The following RBFOX1 variants were observed in gnomAD, a reference collection of about 807,000 sequenced individuals.
The protein encoded by RBFOX1 is RNA binding fox-1 homolog 1.
Under a neutral mutation model 57.7 loss-of-function variants are expected in RBFOX1, and 8 were observed. The observed-to-expected ratio is 0.14, with a 90% CI of 0.08 to 0.25. The LOEUF (loss-of-function observed/expected upper bound fraction) is 0.25. Ranked by LOEUF, RBFOX1 falls within the 10% of genes least tolerant of loss-of-function variation. The pLI is 1.00. For missense variants in RBFOX1, 611 were observed against 548.5 expected (o/e 1.11, Z -1.14); for synonymous variants, 326 against 222.4 (o/e 1.47, Z -4.15).
chr16:6,192,930 T>C (rs937758315), intron 1 of RBFOX1, among the ~76,000 whole-genome samples: 2 of 152,210 alleles, frequency 1.3e-5, no homozygotes, highest in African/African-American at 2.4e-5. Context: ...TGATATATTA[T>C]GTCGAAATTC....
intron 1 of RBFOX1, among the ~76,000 whole-genome samples, chr16:6,124,930 C>A (rs1017919575): frequency 6.6e-6 from 1 of 152,148 alleles, no homozygotes; most frequent in African/African-American, 2.4e-5. Flanking sequence ...TTCACAGTGC[C>A]TCACCAGCCT....
At chr16:6,674,683 A>G (rs548901551) in intron 3 of RBFOX1, among the ~76,000 whole-genome samples, 3 of 152,182 alleles carry the variant, frequency 2.0e-5, no homozygotes, top group African/African-American at 7.2e-5. Context: ...CGGGGAAGAA[A>G]CCATGTGTTG....
intron 1 of RBFOX1, among the ~76,000 whole-genome samples, chr16:5,255,083 G>T (rs1210645908): frequency 6.6e-6 from 1 of 152,124 alleles, no homozygotes; most frequent in African/African-American, 2.4e-5. Flanking sequence ...GTTAGTTATA[G>T]CTGTAATTTG....
intron 1 of RBFOX1, among the ~76,000 whole-genome samples, chr16:6,222,721 T>TATTATTA (rs1458344612): frequency 6.6e-6 from 1 of 150,546 alleles, no homozygotes; most frequent in African/African-American, 2.4e-5. Context: ...ATTATTATGC[T>TATTATTA]TTAAGTTTTA....
At chr16:7,148,981 T>C (rs8059843) in intron 4 of RBFOX1, among the ~76,000 whole-genome samples, 4,065 of 152,286 alleles carry the variant, frequency 0.027, 190 homozygotes, top group African/African-American at 0.092. Context: ...CCTGAAGCCA[T>C]AGTATTTTGC....
At chr16:6,937,143 A>C (rs549877036) in intron 3 of RBFOX1, among the ~76,000 whole-genome samples, 426 of 152,316 alleles carry the variant, frequency 2.8e-3, no homozygotes, top group African/African-American at 9.6e-3. Context: ...TTTACCTTTA[A>C]AATGTTATCA....
intron 2 of RBFOX1, among the ~76,000 whole-genome samples, chr16:5,519,339 T>G (rs2151740569): frequency 6.6e-6 from 1 of 152,294 alleles, no homozygotes. Flanking sequence ...TGACTAACCT[T>G]CTCTGAGATG....
At position 6,186,728 on chromosome 16, in the gene RBFOX1, G is replaced by C. The variant is rs1016084702; in HGVS notation, c.-126-130267G>C. The stretch of plus-strand genomic sequence containing the variant: ...AATGGGCATGTCTGGAGATGACGTT[G>C]ACCTTGCCTCTAGGAGGGGAGCAGT... On this transcript the variant is annotated intron_variant, in intron 1 of 15. Transcript: ENST00000550418. Among the ~76,000 whole-genome samples, 3 of 152,162 alleles carry C rather than the reference G, an allele frequency of 2.0e-5. No individual in the cohort carries two copies. The East Asian group carries it at 5.8e-4, about 29-fold the overall frequency.
chr16:7,348,249 A>C (rs2097056550), intron 4 of RBFOX1, among the ~76,000 whole-genome samples: 1 of 151,534 alleles, frequency 6.6e-6, no homozygotes, highest in Non-Finnish European at 1.5e-5. Flanking sequence ...ACTACAAACC[A>C]CTCTTTATGT....
chr16:6,979,259 G>C (rs1254556823), intron 3 of RBFOX1, among the ~76,000 whole-genome samples: 1 of 152,132 alleles, frequency 6.6e-6, no homozygotes, highest in East Asian at 1.9e-4. Context: ...CAGTTAAATA[G>C]TAAAAACCTT....
intron 3 of RBFOX1, among the ~76,000 whole-genome samples, chr16:5,843,062 C>T (rs113480665): frequency 3.1e-4 from 47 of 152,154 alleles, no homozygotes; most frequent in African/African-American, 1.1e-3. Flanking sequence ...CTCCTGACCT[C>T]GTGATTCACC....
intron 3 of RBFOX1, among the ~76,000 whole-genome samples, chr16:5,739,513 A>G (rs556857476): frequency 1.3e-5 from 2 of 152,374 alleles, no homozygotes; most frequent in East Asian, 3.9e-4. Flanking sequence ...ACTTGTGTGC[A>G]TGGGGTCATT....
At chr16:7,481,482 G>A (rs2151231056) in intron 4 of RBFOX1, among the ~76,000 whole-genome samples, 1 of 152,240 alleles carries the variant, frequency 6.6e-6, no homozygotes, top group Non-Finnish European at 1.5e-5. Context: ...ACTCTCTTTT[G>A]GTGAGTTAGC....
intron 1 of RBFOX1, among the ~76,000 whole-genome samples, chr16:6,315,556 G>C (rs1307311024): frequency 1.4e-5 from 1 of 71,990 alleles, no homozygotes; most frequent in Non-Finnish European, 3.7e-5. Flanking sequence ...TGGATGGATG[G>C]ATGGATGGAT....
At chr16:5,925,415 T>G (rs1442886086) in intron 4 of RBFOX1, among the ~76,000 whole-genome samples, 1 of 152,176 alleles carries the variant, frequency 6.6e-6, no homozygotes, top group East Asian at 1.9e-4. Flanking sequence ...GAAGAACACT[T>G]ACTCCATGAT....
intron 1 of RBFOX1, among the ~76,000 whole-genome samples, chr16:6,245,591 C>G (rs1267279319): frequency 6.6e-6 from 1 of 152,170 alleles, no homozygotes; most frequent in Non-Finnish European, 1.5e-5. Flanking sequence ...CCTCTACACA[C>G]TAATAATAAT....
intron 3 of RBFOX1, among the ~76,000 whole-genome samples, chr16:7,007,995 C>G (rs573933823): frequency 1.2e-4 from 19 of 152,238 alleles, no homozygotes; most frequent in Admixed American, 1.0e-3. Flanking sequence ...CAAAATAAAA[C>G]CAGTATAATG....
At chr16:5,370,764 A>G (rs1430820263) in intron 1 of RBFOX1, among the ~76,000 whole-genome samples, 1 of 152,042 alleles carries the variant, frequency 6.6e-6, no homozygotes, top group Non-Finnish European at 1.5e-5. Flanking sequence ...GAGTGCTGGG[A>G]TTATGGCTGT....
intron 2 of RBFOX1, among the ~76,000 whole-genome samples, chr16:6,602,579 G>A (rs1175130235): frequency 8.5e-5 from 13 of 152,140 alleles, no homozygotes; most frequent in Admixed American, 8.5e-4. Context: ...TGTGCTGCTG[G>A]GAGGCCAGGC....
Sources: allele counts gnomAD v4.1 joint callset (sites outside exome capture counted in the v4.1 genomes callset), GRCh38; gene constraint gnomAD v4.1.1; transcripts MANE v1.5; gene names NCBI Gene and HGNC (gene_info 2026-07-23, HGNC 2026-07-21).